The following PDE8B variants were observed in gnomAD, a reference collection of about 807,000 sequenced individuals.
PDE8B encodes the protein phosphodiesterase 8B, also known as high affinity cAMP-specific and IBMX-insensitive 3',5'-cyclic phosphodiesterase 8B.
PDE8B carries 26 observed loss-of-function variants against 101.3 expected under a neutral mutation model. The observed-to-expected ratio is 0.26, with a 90% confidence interval of 0.19 to 0.36. PDE8B has a LOEUF of 0.36. PDE8B is among the 10% of genes least tolerant of loss of function. The pLI is 1.00. For synonymous variants in PDE8B, 424 were observed against 429.3 expected, an observed-to-expected ratio of 0.99 and a Z score of 0.15; for missense variants, 810 against 1,163.1, an observed-to-expected ratio of 0.70 and a Z score of 4.42.
intron 17 of PDE8B, among the ~76,000 whole-genome samples, chr5:77,416,906 C>A (rs938896655): frequency 2.0e-5 from 3 of 152,176 alleles, no homozygotes; most frequent in African/African-American, 7.2e-5. Context: ...ATCCCTTCAG[C>A]CACAGTGATG....
At chr5:77,297,751 G>T (rs1554075042) in intron 1 of PDE8B, among the ~76,000 whole-genome samples, 1 of 152,160 alleles carries the variant, frequency 6.6e-6, no homozygotes, top group Non-Finnish European at 1.5e-5. Flanking sequence ...GTTCCACATT[G>T]CCTGGGACTG....
chr5:77,167,628 CT>C, the PDE8B span, among the ~76,000 whole-genome samples: 1 of 152,178 alleles, frequency 6.6e-6, no homozygotes, highest in Non-Finnish European at 1.5e-5. Context: ...CACCTTTCTC[CT>C]ATCCAGGAAG....
At chr5:77,232,606 A>G (rs577255172) in intron 1 of PDE8B, among the ~76,000 whole-genome samples, 53 of 152,330 alleles carry the variant, frequency 3.5e-4, no homozygotes, top group African/African-American at 1.2e-3. Context: ...CATTAGTGAA[A>G]TATACCAACT....
At chr5:77,149,800 T>C in the PDE8B span, among the ~76,000 whole-genome samples, 24 of 152,198 alleles carry the variant, frequency 1.6e-4, no homozygotes, top group African/African-American at 5.1e-4. Flanking sequence ...CATCTGCAAA[T>C]AGAAGCAGTT....
chr5:77,344,731 A>G (rs1779847950), intron 6 of PDE8B, 122 bp from the exon 7 acceptor site: 1 of 771,188 alleles, frequency 1.3e-6, no homozygotes, highest in Non-Finnish European at 2.4e-6. Flanking sequence ...CATTCAGACC[A>G]TGGCAATAAC....
intron 10 of PDE8B, among the ~76,000 whole-genome samples, chr5:77,399,764 C>T (rs1356049237): frequency 6.6e-6 from 1 of 152,130 alleles, no homozygotes; most frequent in African/African-American, 2.4e-5. Context: ...CGTGAGAAAA[C>T]ATTTTATAAA....
At position 77,217,364 on chromosome 5, in the gene PDE8B, G is replaced by GA. The variant is rs200398666; in HGVS notation, c.339+6110dup. Among the ~76,000 whole-genome samples, 246 of 140,978 alleles carry GA rather than the reference G, an allele frequency of 1.7e-3. 1 individual carries two copies. Among genetic ancestry groups the GA allele is most frequent in the Non-Finnish European group, 2.4e-3 (155 of 64,312 alleles). 92.5% of individuals were successfully genotyped at this position (140,978 alleles called of 152,430 possible). A position where few individuals can be genotyped will look rare whatever the true frequency, so the allele number is the denominator to read the frequency against. On this transcript the variant is annotated intron_variant, in intron 1 of 21. Coordinates refer to ENST00000264917, the MANE Select transcript of PDE8B (RefSeq NM_003719.5). ...CCTTCTCTCCACAGACTCAAAAAGT[G>GA]AAAAAAAAAAGGATTTTGCTATGTG...
chr5:77,291,379 G>C, intron 1 of PDE8B: 1 of 1,611,928 alleles, frequency 6.2e-7, no homozygotes, highest in Middle Eastern at 2.2e-4. Context: ...GTCTATGGGG[G>C]CAAGGTTATG....
chr5:77,188,013 T>C, the PDE8B span, among the ~76,000 whole-genome samples: 3 of 152,196 alleles, frequency 2.0e-5, no homozygotes, highest in Non-Finnish European at 2.9e-5. Context: ...GATTAAAGAG[T>C]AGGAGAACAT....
rs746578642 is a variant in PDE8B at position 77,344,923 on chromosome 5, G to A, written c.868G>A (p.Val290Met). 1.6e-5 allele frequency: 25 copies of A among 1,603,518 alleles called. No homozygotes were observed. The highest frequency in any genetic ancestry group is 2.1e-5 in the Non-Finnish European group (25 of 1,170,492). Residue 290 changes from valine (V) to methionine (M), a missense_variant, in exon 7 of 22, where the codon GTG (valine) becomes ATG (methionine). This residue lies in a region of PDE8B where 251 missense variants were observed against 378.8 expected (regional missense o/e 0.66). Coordinates refer to ENST00000264917, the MANE Select transcript of PDE8B (RefSeq NM_003719.5). ...CATAGAAATAACAAGCGATGACCACGTGATTCAGGTATGGAAAGAAACCAC... is the reference window on the plus strand; with the variant it reads ...CATAGAAATAACAAGCGATGACCACATGATTCAGGTATGGAAAGAAACCAC... ...EAIEITSDDH[V>M]IQYVNPAFER... is the part of the protein sequence containing the mutation.
chr5:77,195,964 GGT>G, the PDE8B span, among the ~76,000 whole-genome samples: 1 of 152,140 alleles, frequency 6.6e-6, no homozygotes, highest in East Asian at 1.9e-4. Flanking sequence ...GTTGTTCAAA[GGT>G]CAACTGTAGT....
intron 1 of PDE8B, among the ~76,000 whole-genome samples, chr5:77,266,094 A>AG (rs1761656349): frequency 2.0e-5 from 3 of 152,224 alleles, no homozygotes; most frequent in Admixed American, 2.0e-4. Context: ...TTGTGGTGAA[A>AG]GGGAAGTACA....
Position 77,413,743 on chromosome 5 carries a change from T to A in PDE8B, c.1911+434T>A, listed in dbSNP as rs142058258. Among the ~76,000 whole-genome samples the A allele has an allele frequency of 1.9e-3, 285 of 152,336 alleles. 1 individual carries two copies. Among genetic ancestry groups the A allele is most frequent in the African/African-American group, 6.4e-3 (266 of 41,584 alleles). On this transcript the variant is annotated intron_variant, in intron 17 of 21. Transcript: ENST00000264917. ...TCCGCATTCTACACTGTTTTACATA[T>A]ATTTATGTTTGTGTTTTGTGTAGGT... is the stretch of plus-strand genomic sequence containing the variant.
chr5:77,334,714 G>T (rs1777794454), intron 5 of PDE8B, among the ~76,000 whole-genome samples: 1 of 152,142 alleles, frequency 6.6e-6, no homozygotes, highest in Non-Finnish European at 1.5e-5. Context: ...AACTAAACTT[G>T]CCAGAGCTCA....
At chr5:77,104,227 G>A in the PDE8B span, among the ~76,000 whole-genome samples, 1 of 152,198 alleles carries the variant, frequency 6.6e-6, no homozygotes, top group African/African-American at 2.4e-5. Context: ...AAGGAACCAC[G>A]TGAAGGCTTG....
At chr5:77,171,169 T>C in the PDE8B span, among the ~76,000 whole-genome samples, 1 of 152,078 alleles carries the variant, frequency 6.6e-6, no homozygotes, top group Non-Finnish European at 1.5e-5. Context: ...CCTTGTAGTG[T>C]GGAAAGGGAT....
the PDE8B span, among the ~76,000 whole-genome samples, chr5:77,128,615 A>G: frequency 1.3e-5 from 2 of 152,322 alleles, no homozygotes; most frequent in South Asian, 2.1e-4. Flanking sequence ...TGCCTTCACC[A>G]GTGACTGGGG....
At chr5:77,382,756 A>G (rs1787741598) in intron 10 of PDE8B, among the ~76,000 whole-genome samples, 1 of 152,144 alleles carries the variant, frequency 6.6e-6, no homozygotes, top group Admixed American at 6.5e-5. Context: ...CCTGCAGAGG[A>G]CATGAACTCA....
At chr5:77,364,760 C>T (rs1023519490) in intron 10 of PDE8B, among the ~76,000 whole-genome samples, 1 of 152,064 alleles carries the variant, frequency 6.6e-6, no homozygotes, top group Non-Finnish European at 1.5e-5. Flanking sequence ...AGAAAAGGGC[C>T]AGGTCTCAGT....
Sources: allele counts gnomAD v4.1 joint callset (sites outside exome capture counted in the v4.1 genomes callset), GRCh38; gene constraint gnomAD v4.1.1; regional missense constraint gnomAD v4.1.1; transcripts MANE v1.5; gene names NCBI Gene and HGNC (gene_info 2026-07-23, HGNC 2026-07-21).